NRXN3: variants seen among roughly 807,000 people sequenced by gnomAD.
NRXN3 encodes neurexin 3.
In NRXN3, 32 loss-of-function variants were observed where a neutral mutation model predicts 137.6. The ratio of observed to expected loss-of-function variants is 0.23; its 90% CI spans 0.18 to 0.31. NRXN3 has a LOEUF of 0.31. Among genes scored for constraint, NRXN3 ranks in the 10% least tolerant of loss-of-function variants. NRXN3 has a pLI of 1.00. For missense variants in NRXN3, 1,574 were observed against 2,062.5 expected, an observed-to-expected ratio of 0.76 and a Z score of 4.59; for synonymous variants, 798 against 784.5, an observed-to-expected ratio of 1.02 and a Z score of -0.29.
At chr14:78,218,465 A>T (rs12887929) in intron 1 of NRXN3, among the ~76,000 whole-genome samples, 4,134 of 152,276 alleles carry the variant, frequency 0.027, 73 homozygotes, top group Admixed American at 0.047. Flanking sequence ...TCCCCATGAC[A>T]TCTATAAGTC....
chr14:79,600,612 C>T (rs955013805), intron 16 of NRXN3, among the ~76,000 whole-genome samples: 3 of 152,152 alleles, frequency 2.0e-5, no homozygotes, highest in African/African-American at 4.8e-5. Context: ...AGCGTTAGAT[C>T]AGTGGGGCTG....
chr14:79,100,735 G>A (rs569489458), intron 15 of NRXN3, among the ~76,000 whole-genome samples: 9 of 152,278 alleles, frequency 5.9e-5, no homozygotes, highest in Non-Finnish European at 1.3e-4. Context: ...GGCAAACAAG[G>A]CATGAAATAC....
chr14:79,709,775 C>A (rs914790563), intron 19 of NRXN3, among the ~76,000 whole-genome samples: 1 of 152,082 alleles, frequency 6.6e-6, no homozygotes, highest in African/African-American at 2.4e-5. Flanking sequence ...ATGATTAATG[C>A]CCTACTGGCT....
chr14:78,596,753 C>G (rs1053640616), intron 4 of NRXN3, among the ~76,000 whole-genome samples: 2 of 152,198 alleles, frequency 1.3e-5, no homozygotes, highest in Admixed American at 1.3e-4. Context: ...TATTCAGTTA[C>G]TCAACTCTCC....
intron 4 of NRXN3, among the ~76,000 whole-genome samples, chr14:78,547,215 A>AT (rs5809897): frequency 3.1e-5 from 3 of 95,902 alleles, no homozygotes; most frequent in African/African-American, 7.0e-5. Context: ...TTTTTCATTT[A>AT]TTTTTTTTTG....
chr14:78,382,302 T>A (rs561430609), intron 4 of NRXN3, among the ~76,000 whole-genome samples: 1 of 152,138 alleles, frequency 6.6e-6, no homozygotes, highest in South Asian at 2.1e-4. Context: ...TATGATGAGG[T>A]GGAAGAGAGG....
chr14:79,047,827 A>C (rs1248017371), intron 15 of NRXN3, among the ~76,000 whole-genome samples: 1 of 152,226 alleles, frequency 6.6e-6, no homozygotes. Flanking sequence ...CATACTTTGC[A>C]CATGGGAATG....
intron 15 of NRXN3, among the ~76,000 whole-genome samples, chr14:79,336,801 C>T (rs2092293627): frequency 6.6e-6 from 1 of 152,144 alleles, no homozygotes; most frequent in African/African-American, 2.4e-5. Flanking sequence ...TTGTGGTTTC[C>T]ATCCACACAT....
intron 10 of NRXN3, among the ~76,000 whole-genome samples, chr14:78,909,508 T>C (rs939482228): frequency 3.9e-5 from 6 of 152,296 alleles, no homozygotes; most frequent in South Asian, 2.1e-4. Context: ...ATGTTCCTTC[T>C]TGTTCTTCTC....
At position 78,529,066 on chromosome 14, in the gene NRXN3, C is replaced by G. The variant is rs530877658; in HGVS notation, c.758-116054C>G. ...GGCTCTTGACTCACAGTATCGTTCT[C>G]TTCTTGCTAGTGGAGCTAAAATAAT... On this transcript the variant is annotated intron_variant, in intron 4 of 20. Coordinates refer to ENST00000335750, the MANE Select transcript of NRXN3 (RefSeq NM_001330195.2). Among the ~76,000 whole-genome samples, 14 of 152,278 alleles carry G rather than the reference C, an allele frequency of 9.2e-5. No homozygotes were observed. In the East Asian group the frequency reaches 1.9e-3, roughly 21 times the overall value.
intron 15 of NRXN3, among the ~76,000 whole-genome samples, chr14:79,051,021 G>A (rs1336399454): frequency 3.3e-5 from 5 of 152,080 alleles, no homozygotes; most frequent in East Asian, 3.9e-4. Flanking sequence ...TATCCTATGA[G>A]GGGATACTAT....
chr14:79,239,193 T>C (rs2073896922), intron 15 of NRXN3, among the ~76,000 whole-genome samples: 1 of 152,302 alleles, frequency 6.6e-6, no homozygotes. Context: ...GACAGCATGC[T>C]GTAATACAAA....
At chr14:79,192,802 G>A (rs914735555) in intron 15 of NRXN3, among the ~76,000 whole-genome samples, 6 of 120,614 alleles carry the variant, frequency 5.0e-5, no homozygotes, top group South Asian at 2.6e-4. Flanking sequence ...ACAGAGTCTC[G>A]CTCTGTCACC....
rs1366021895 is a variant in NRXN3, at chr14:79,376,243, TATATATATATATATATATATATAC to T, written c.3263-90976_3263-90953del. Among the ~76,000 whole-genome samples the T allele has an allele frequency of 7.2e-3, 773 of 107,734 alleles. 15 individuals carry two copies. Among genetic ancestry groups the T allele is most frequent in the African/African-American group, 0.015 (449 of 30,354 alleles). The allele number at this position is 107,734 out of a possible 152,430, so 70.7% of individuals were successfully genotyped here. A position where few individuals can be genotyped will look rare whatever the true frequency, so the allele number is the denominator to read the frequency against. ...ATATATATATATATATATATATATA[TATATATATATATATATATATATAC>T]ACATACATATGACTCCAAAAACAAT... On this transcript the variant is annotated intron_variant, in intron 15 of 20. Transcript: ENST00000335750.
intron 10 of NRXN3, among the ~76,000 whole-genome samples, chr14:78,816,753 A>G (rs1384712500): frequency 6.6e-6 from 1 of 152,196 alleles, no homozygotes; most frequent in East Asian, 1.9e-4. Flanking sequence ...AAGAGGTTTT[A>G]CAAAGTTATA....
intron 4 of NRXN3, among the ~76,000 whole-genome samples, chr14:78,631,183 A>C (rs2097519160): frequency 6.6e-6 from 1 of 152,190 alleles, no homozygotes; most frequent in Admixed American, 6.5e-5. Context: ...CTCAACTTCT[A>C]TCAGTAGCAA....
chr14:78,809,809 A>G (rs945314263), intron 9 of NRXN3, among the ~76,000 whole-genome samples: 3 of 152,204 alleles, frequency 2.0e-5, no homozygotes, highest in African/African-American at 4.8e-5. Flanking sequence ...AAATGATACA[A>G]TCAGTCAGAC....
chr14:79,617,930 A>AAAAAAAAAAAAAAAAAAAAAG (rs1385000688), intron 16 of NRXN3, among the ~76,000 whole-genome samples: 10 of 148,728 alleles, frequency 6.7e-5, no homozygotes, highest in African/African-American at 2.3e-4. Flanking sequence ...AAAAAAAAAA[A>AAAAAAAAAAAAAAAAAAAAAG]AACATGCTTA....
intron 15 of NRXN3, among the ~76,000 whole-genome samples, chr14:79,187,268 T>C (rs2063651859): frequency 6.6e-6 from 1 of 152,318 alleles, no homozygotes; most frequent in East Asian, 1.9e-4. Context: ...GCAGTTTTCA[T>C]AGGTGGCAAG....
Sources: allele counts gnomAD v4.1 joint callset (sites outside exome capture counted in the v4.1 genomes callset), GRCh38; gene constraint gnomAD v4.1.1; transcripts MANE v1.5; gene names NCBI Gene and HGNC (gene_info 2026-07-23, HGNC 2026-07-21).